Variants in PPP2R3A observed in about 807,000 individuals in gnomAD.
PPP2R3A encodes the protein serine/threonine-protein phosphatase 2A regulatory subunit B'' subunit alpha.
In PPP2R3A, 80 loss-of-function variants were observed where a neutral mutation model predicts 106.9. The observed-to-expected ratio is 0.75, with a 90% CI of 0.62 to 0.90. The LOEUF is 0.90. Among genes scored for constraint, PPP2R3A ranks in the 40% least tolerant of loss-of-function variants. The probability of loss-of-function intolerance (pLI) is 0.00; values close to 1 mark genes in which losing one functional copy is unlikely to be tolerated. For synonymous variants in PPP2R3A, 483 were observed against 468.3 expected, an observed-to-expected ratio of 1.03 and a Z score of -0.41; for missense variants, 1,386 against 1,350.4, an observed-to-expected ratio of 1.03 and a Z score of -0.41.
chr3:136,067,907 A>G (rs1936309008), intron 5 of PPP2R3A, among the ~76,000 whole-genome samples: 1 of 152,202 alleles, frequency 6.6e-6, no homozygotes, highest in African/African-American at 2.4e-5. Flanking sequence ...AGAAAATATG[A>G]AAGTCCCCAT....
chr3:136,066,146 T>C (rs1936257650), intron 5 of PPP2R3A, among the ~76,000 whole-genome samples: 1 of 152,202 alleles, frequency 6.6e-6, no homozygotes, highest in South Asian at 2.1e-4. Flanking sequence ...AGATATTTAT[T>C]ACAAAACTGC....
At chr3:136,041,265 T>G (rs1409043437) in intron 4 of PPP2R3A, among the ~76,000 whole-genome samples, 2 of 84,088 alleles carry the variant, frequency 2.4e-5, no homozygotes, top group Admixed American at 1.0e-4. Context: ...TTTTTTTGTT[T>G]TTTTTTTTTT....
At chr3:136,142,372 C>T (rs1044667844) in intron 13 of PPP2R3A, among the ~76,000 whole-genome samples, 1 of 152,070 alleles carries the variant, frequency 6.6e-6, no homozygotes, top group Non-Finnish European at 1.5e-5. Context: ...CCCCTGGCGG[C>T]GGGGGACAAA....
intron 13 of PPP2R3A, among the ~76,000 whole-genome samples, chr3:136,124,402 G>C (rs976887725): frequency 1.3e-5 from 2 of 152,066 alleles, no homozygotes; most frequent in Non-Finnish European, 2.9e-5. Context: ...AGGATTGCTT[G>C]AACCCAGAAG....
chr3:136,081,978 CTG>C (rs761034700), intron 7 of PPP2R3A, among the ~76,000 whole-genome samples: 43 of 152,304 alleles, frequency 2.8e-4, no homozygotes, highest in Non-Finnish European at 5.3e-4. Flanking sequence ...ATGCCAGTCT[CTG>C]ACCTCTGACC....
At chr3:136,048,690 T>G (rs1031913024) in intron 4 of PPP2R3A, among the ~76,000 whole-genome samples, 3 of 148,532 alleles carry the variant, frequency 2.0e-5, no homozygotes, top group African/African-American at 7.4e-5. Flanking sequence ...AAAAAAAAGC[T>G]GGGACTTTAG....
At chr3:136,134,928 T>C (rs1234774641) in intron 13 of PPP2R3A, among the ~76,000 whole-genome samples, 2 of 152,138 alleles carry the variant, frequency 1.3e-5, no homozygotes, top group Non-Finnish European at 2.9e-5. Context: ...CAAAAAATAT[T>C]ACTATTGTTT....
chr3:136,022,665 C>A (rs922913474), intron 2 of PPP2R3A: 2 of 699,546 alleles, frequency 2.9e-6, no homozygotes, highest in Non-Finnish European at 3.5e-6. Context: ...TTAGCATTAT[C>A]TGAGAAGGTA....
At chr3:136,006,438 A>G (rs1032226255) in intron 2 of PPP2R3A, among the ~76,000 whole-genome samples, 1 of 152,160 alleles carries the variant, frequency 6.6e-6, no homozygotes, top group Non-Finnish European at 1.5e-5. Context: ...AAACATTTCT[A>G]TGAAGAGCAA....
intron 10 of PPP2R3A, among the ~76,000 whole-genome samples, chr3:136,091,265 G>T (rs1232097962): frequency 2.0e-5 from 3 of 152,110 alleles, no homozygotes; most frequent in African/African-American, 7.2e-5. Context: ...GACCTTGATG[G>T]TACTTGCAGG....
chr3:136,071,879 GC>G (rs561839159), intron 6 of PPP2R3A, among the ~76,000 whole-genome samples: 247 of 152,018 alleles, frequency 1.6e-3, no homozygotes, highest in African/African-American at 5.4e-3. Flanking sequence ...TCTTTCCTTT[GC>G]TTGGAATGTT....
intron 13 of PPP2R3A, among the ~76,000 whole-genome samples, chr3:136,122,297 G>T (rs1243470451): frequency 6.6e-6 from 1 of 152,054 alleles, no homozygotes; most frequent in Non-Finnish European, 1.5e-5. Flanking sequence ...CTCCATCCTG[G>T]GTGACAAAGT....
rs766868358 is a variant in PPP2R3A, at chr3:136,003,375, A to G, written c.1877A>G (p.Gln626Arg). Residue 626 changes from glutamine (Q) to arginine (R), a missense_variant, in exon 2 of 14, where the codon CAG (glutamine) becomes CGG (arginine). By Grantham distance (43) the Gln-to-Arg change is conservative. Transcript: ENST00000264977. ...GAAAAGGAAATGATGCAAATTCTAC[A>G]GGAAACCTTGACAACTTCCTCCCAG... ...SQEKEMMQIL[Q>R]ETLTTSSQAN... is the part of the protein sequence containing the mutation. 13 of 1,613,930 alleles carry G rather than the reference A, an allele frequency of 8.1e-6. No homozygotes were observed. The Admixed American group carries it at 1.7e-4, about 21-fold the overall frequency.
chr3:136,115,956 A>G (rs1937734875), intron 13 of PPP2R3A, among the ~76,000 whole-genome samples: 1 of 152,090 alleles, frequency 6.6e-6, no homozygotes, highest in Non-Finnish European at 1.5e-5. Flanking sequence ...AAATTCACCA[A>G]GGCTGAAATG....
chr3:136,016,141 G>A (rs1006448085), intron 2 of PPP2R3A, among the ~76,000 whole-genome samples: 5 of 152,006 alleles, frequency 3.3e-5, no homozygotes, highest in African/African-American at 1.2e-4. Context: ...GGTTCCTTTT[G>A]GAGTCGATTT....
intron 5 of PPP2R3A, among the ~76,000 whole-genome samples, chr3:136,051,875 T>C (rs1169895320): frequency 6.6e-6 from 1 of 152,188 alleles, no homozygotes; most frequent in Non-Finnish European, 1.5e-5. Context: ...ATAGTAACAA[T>C]CTTCCATGTT....
chr3:136,104,355 G>A (rs964201444), intron 12 of PPP2R3A, among the ~76,000 whole-genome samples: 1 of 151,862 alleles, frequency 6.6e-6, no homozygotes, highest in African/African-American at 2.4e-5. Context: ...TGCCCAGGCT[G>A]GAGTGCAATG....
intron 2 of PPP2R3A, among the ~76,000 whole-genome samples, chr3:136,025,440 A>G (rs1934612983): frequency 6.6e-6 from 1 of 152,070 alleles, no homozygotes; most frequent in Non-Finnish European, 1.5e-5. Context: ...AATAGTCTTA[A>G]TATATGAGCA....
At chr3:136,027,221 A>G (rs1934698985) in intron 3 of PPP2R3A, 123 bp downstream of exon 3, 6 of 888,778 alleles carry the variant, frequency 6.8e-6, no homozygotes, top group South Asian at 1.9e-5. Flanking sequence ...TTAAGCATGC[A>G]TGGAATTGTT....
Sources: allele counts gnomAD v4.1 joint callset (sites outside exome capture counted in the v4.1 genomes callset), GRCh38; gene constraint gnomAD v4.1.1; transcripts MANE v1.5; gene names NCBI Gene and HGNC (gene_info 2026-07-23, HGNC 2026-07-21).